The following ABLIM1 variants were observed in gnomAD, a reference collection of about 807,000 sequenced individuals.
ABLIM1 encodes the protein actin binding LIM protein 1.
ABLIM1 carries 40 observed loss-of-function variants against 107.0 expected under a neutral mutation model. The ratio of observed to expected loss-of-function variants is 0.37; its 90% CI spans 0.29 to 0.49. The LOEUF (loss-of-function observed/expected upper bound fraction) is 0.49. Among genes scored for constraint, ABLIM1 ranks in the 20% least tolerant of loss-of-function variants. The pLI, the probability that ABLIM1 is intolerant of heterozygous loss-of-function variation, is 0.97. For synonymous variants in ABLIM1, 357 were observed against 357.3 expected (o/e 1.00, Z 0.01); for missense variants, 857 against 1,008.5 (o/e 0.85, Z 2.04).
intron 1 of ABLIM1, among the ~76,000 whole-genome samples, chr10:114,682,804 C>G (rs2141594358): frequency 6.6e-6 from 1 of 152,214 alleles, no homozygotes; most frequent in South Asian, 2.1e-4. Context: ...CTGGCTTGAC[C>G]ACTAAAAATA....
At chr10:114,579,745 T>TA in intron 2 of ABLIM1, among the ~76,000 whole-genome samples, 1 of 152,214 alleles carries the variant, frequency 6.6e-6, no homozygotes, top group East Asian at 1.9e-4. Flanking sequence ...TTAAAATCCC[T>TA]ATTCCCTCTT....
intron 1 of ABLIM1, among the ~76,000 whole-genome samples, chr10:114,667,010 G>C (rs2080053413): frequency 6.6e-6 from 1 of 152,032 alleles, no homozygotes; most frequent in African/African-American, 2.4e-5. Flanking sequence ...AAAGAAAAAA[G>C]CACCACTGTC....
chr10:114,684,485 G>C lies in ABLIM1; in HGVS notation c.-132C>G, dbSNP rs977082780. On this transcript the variant is annotated 5_prime_UTR_variant, in exon 1 of 24. Coordinates refer to the ABLIM1 transcript ENST00000369256. ...GTCTGTGGGCTGAACTGGACCCGAG[G>C]GAGGGGTGTGCCACCGGTGGGTGTG... is the stretch of plus-strand genomic sequence containing the variant. 4.1e-6 allele frequency: 6 copies of C among 1,449,364 alleles called. No individual in the cohort carries two copies. In the African/African-American group the frequency reaches 8.5e-5, roughly 21 times the overall value. The allele number at this position is 1,449,364 out of a possible 1,614,324, so 89.8% of individuals were successfully genotyped here.
chr10:114,678,566 C>T (rs2080599116), intron 1 of ABLIM1, among the ~76,000 whole-genome samples: 1 of 152,164 alleles, frequency 6.6e-6, no homozygotes, highest in South Asian at 2.1e-4. Context: ...TATGTATTGT[C>T]TACGGCTGCT....
chr10:114,688,744 GC>G (rs994434274), upstream of ABLIM1, among the ~76,000 whole-genome samples: 19 of 152,310 alleles, frequency 1.2e-4, no homozygotes, highest in African/African-American at 4.1e-4. Flanking sequence ...CAGAGACTGT[GC>G]CCAGGATGCT....
intron 6 of ABLIM1, among the ~76,000 whole-genome samples, chr10:114,506,976 C>T (rs1292036980): frequency 1.3e-5 from 2 of 152,162 alleles, no homozygotes; most frequent in African/African-American, 2.4e-5. Context: ...TTGGGTGATC[C>T]TTTACAAGTT....
chr10:114,637,374 G>T (rs540086085), intron 1 of ABLIM1, among the ~76,000 whole-genome samples: 2 of 152,318 alleles, frequency 1.3e-5, no homozygotes, highest in African/African-American at 4.8e-5. Context: ...TAGAAGTGGT[G>T]ATTCCAAAGT....
intron 1 of ABLIM1, chr10:114,765,058 C>CTTTT: frequency 6.6e-6 from 1 of 151,252 alleles, no homozygotes; most frequent in South Asian, 2.1e-4. Context: ...CTACTTTTTT[C>CTTTT]TTTTCTTTTC....
chr10:114,445,610 C>G (rs941236239), intron 15 of ABLIM1, among the ~76,000 whole-genome samples: 1 of 152,208 alleles, frequency 6.6e-6, no homozygotes, highest in Non-Finnish European at 1.5e-5. Flanking sequence ...CCCTGTGTGA[C>G]AAGCCAGGTC....
intron 8 of ABLIM1, chr10:114,485,265 G>C (rs2058018751): frequency 6.4e-7 from 1 of 1,555,642 alleles, no homozygotes; most frequent in Admixed American, 1.8e-5. Flanking sequence ...CAGGACAGTG[G>C]CTTCGAGCCC....
chr10:114,585,068 A>C (rs1397140804), intron 2 of ABLIM1, among the ~76,000 whole-genome samples: 1 of 152,132 alleles, frequency 6.6e-6, no homozygotes, highest in Non-Finnish European at 1.5e-5. Context: ...GTCTTCTACC[A>C]TTGCACAGAT....
chr10:114,518,827 A>AG (rs1178451279), intron 6 of ABLIM1, among the ~76,000 whole-genome samples: 66 of 151,908 alleles, frequency 4.3e-4, no homozygotes, highest in African/African-American at 1.6e-3. Flanking sequence ...ACTTAAAAAA[A>AG]AAAACTTTTA....
chr10:114,460,462 G>A (rs747579909), intron 12 of ABLIM1, among the ~76,000 whole-genome samples: 4 of 152,166 alleles, frequency 2.6e-5, no homozygotes, highest in African/African-American at 4.8e-5. Context: ...TTAGCTAGGC[G>A]TGGTGGCGCA....
chr10:114,546,820 G>A (rs1041351102), intron 5 of ABLIM1, among the ~76,000 whole-genome samples: 2 of 152,026 alleles, frequency 1.3e-5, no homozygotes, highest in Non-Finnish European at 1.5e-5. Flanking sequence ...TTACTCAGTT[G>A]CCCTGGCTGG....
the ABLIM1 span, among the ~76,000 whole-genome samples, chr10:114,799,806 CTG>C: frequency 6.6e-6 from 1 of 152,098 alleles, no homozygotes; most frequent in African/African-American, 2.4e-5. Flanking sequence ...GGGTCTCACT[CTG>C]TTGTCCAAGC....
intron 2 of ABLIM1, among the ~76,000 whole-genome samples, chr10:114,590,161 C>G (rs1173119341): frequency 6.6e-6 from 1 of 152,132 alleles, no homozygotes; most frequent in African/African-American, 2.4e-5. Flanking sequence ...ATAGGCTACA[C>G]CATATGGCCT....
chr10:114,688,882 T>G (rs1434124243), upstream of ABLIM1, among the ~76,000 whole-genome samples: 2 of 152,192 alleles, frequency 1.3e-5, no homozygotes, highest in Admixed American at 6.5e-5. Flanking sequence ...GTCCAAAAAT[T>G]TAGCGTATAC....
chr10:114,614,367 G>A (rs760055194), intron 1 of ABLIM1, among the ~76,000 whole-genome samples: 5 of 152,138 alleles, frequency 3.3e-5, no homozygotes, highest in Non-Finnish European at 5.9e-5. Context: ...CAGGAGAATC[G>A]CTTGAACCCG....
chr10:114,491,419 T>C (rs1306808862), intron 7 of ABLIM1, among the ~76,000 whole-genome samples: 1 of 152,034 alleles, frequency 6.6e-6, no homozygotes, highest in African/African-American at 2.4e-5. Context: ...ATAAGTAACA[T>C]TTCTAGAAAT....
Sources: allele counts gnomAD v4.1 joint callset (sites outside exome capture counted in the v4.1 genomes callset), GRCh38; gene constraint gnomAD v4.1.1; transcripts MANE v1.5; gene names NCBI Gene and HGNC (gene_info 2026-07-23, HGNC 2026-07-21).